RASSF8: variants seen among roughly 807,000 people sequenced by gnomAD.
RASSF8 encodes the protein Ras association domain family member 8, also known as ras association domain-containing protein 8.
RASSF8 carries 22 observed loss-of-function variants against 48.5 expected under a neutral mutation model. The observed-to-expected ratio is 0.45, with a 90% CI of 0.32 to 0.65. The LOEUF (loss-of-function observed/expected upper bound fraction) is 0.65, where lower values mean the gene tolerates loss of function less well. Among genes scored for constraint, RASSF8 ranks in the 30% least tolerant of loss-of-function variants. RASSF8 has a pLI of 0.03. For synonymous variants in RASSF8, 127 were observed against 171.5 expected (o/e 0.74, Z 2.03); for missense variants, 418 against 489.2 (o/e 0.85, Z 1.37).
chr12:26,068,864 A>G lies in RASSF8; in HGVS notation c.*46A>G. The G allele has an allele frequency of 6.5e-7, 1 of 1,527,788 alleles. No homozygotes were observed. Among genetic ancestry groups the G allele is most frequent in the South Asian group, 1.2e-5 (1 of 82,656 alleles). 94.6% of individuals were successfully genotyped at this position (1,527,788 alleles called of 1,614,324 possible). A position where few individuals can be genotyped will look rare whatever the true frequency, so the allele number is the denominator to read the frequency against. On this transcript the variant is annotated 3_prime_UTR_variant, in exon 6 of 6. Coordinates refer to ENST00000689635, the MANE Select transcript of RASSF8 (RefSeq NM_001394098.1). ...GAGACCCAACAGAGGTACCAAGGAC[A>G]GTAAACTTCCTTTTTGATTTGTGCC...
chr12:26,057,720 T>C (rs1943639247), intron 3 of RASSF8, among the ~76,000 whole-genome samples: 1 of 152,236 alleles, frequency 6.6e-6, no homozygotes, highest in Non-Finnish European at 1.5e-5. Context: ...TCCACAATGG[T>C]TGAACTAGTT....
chr12:26,012,223 C>T (rs1013751641), intron 2 of RASSF8, among the ~76,000 whole-genome samples: 2 of 152,122 alleles, frequency 1.3e-5, no homozygotes, highest in Non-Finnish European at 2.9e-5. Flanking sequence ...ACAATAATAC[C>T]TACCTTACAA....
intron 2 of RASSF8, among the ~76,000 whole-genome samples, chr12:26,017,720 G>A (rs1942684791): frequency 6.6e-6 from 1 of 152,258 alleles, no homozygotes; most frequent in South Asian, 2.1e-4. Flanking sequence ...TGCAGGACCT[G>A]CAGACTGGGG....
intron 2 of RASSF8, among the ~76,000 whole-genome samples, chr12:26,050,033 T>A (rs1943458561): frequency 6.6e-6 from 1 of 152,210 alleles, no homozygotes; most frequent in South Asian, 2.1e-4. Flanking sequence ...TCTGCCCGCC[T>A]CGGCCTCCCA....
chr12:25,991,391 C>G (rs1374559501), intron 1 of RASSF8, among the ~76,000 whole-genome samples: 2 of 151,996 alleles, frequency 1.3e-5, no homozygotes, highest in Non-Finnish European at 2.9e-5. Flanking sequence ...ACAAGTTGCC[C>G]CATGCCTACA....
At chr12:25,967,255 C>G (rs2136840686) in intron 1 of RASSF8, among the ~76,000 whole-genome samples, 1 of 152,248 alleles carries the variant, frequency 6.6e-6, no homozygotes, top group East Asian at 1.9e-4. Flanking sequence ...GAAGGCTTTC[C>G]TACTCAGACA....
intron 1 of RASSF8, among the ~76,000 whole-genome samples, chr12:25,974,714 T>G (rs1367478175): frequency 6.6e-6 from 1 of 152,184 alleles, no homozygotes; most frequent in Non-Finnish European, 1.5e-5. Context: ...TATGGTAGTA[T>G]TGTTTCTATG....
chr12:25,968,435 C>T (rs1427468550), intron 1 of RASSF8, among the ~76,000 whole-genome samples: 2 of 152,172 alleles, frequency 1.3e-5, no homozygotes, highest in Non-Finnish European at 2.9e-5. Flanking sequence ...CCCCGCCTCC[C>T]GGGCTCAACC....
intron 2 of RASSF8, among the ~76,000 whole-genome samples, chr12:26,014,710 G>A (rs542043238): frequency 1.3e-5 from 2 of 151,960 alleles, no homozygotes; most frequent in Non-Finnish European, 2.9e-5. Flanking sequence ...TATATAATTA[G>A]CAGAAACTTT....
chr12:26,062,715 A>G (rs1943771799), intron 3 of RASSF8, among the ~76,000 whole-genome samples: 1 of 151,890 alleles, frequency 6.6e-6, no homozygotes, highest in African/African-American at 2.4e-5. Flanking sequence ...AAATAAATAA[A>G]AGATCATTGT....
At chr12:25,966,611 G>C (rs904012926) in intron 1 of RASSF8, among the ~76,000 whole-genome samples, 3 of 152,128 alleles carry the variant, frequency 2.0e-5, no homozygotes, top group Non-Finnish European at 2.9e-5. Context: ...AAGTGTCCTA[G>C]TCTTTTGCTG....
rs1371832444 is a variant in RASSF8, at chr12:25,963,139, A to AAGACCT, written c.-203+3995_-203+4000dup. ...ATTGGGAAAACTTTAGTAGAAAAAC[A>AAGACCT]AGACCTAGAGTTCTAAGGATGCTCA... is the stretch of plus-strand genomic sequence containing the variant. On this transcript the variant is annotated intron_variant, in intron 1 of 5. Transcript: ENST00000689635. Among the ~76,000 whole-genome samples the AAGACCT allele has an allele frequency of 2.0e-5, 3 of 152,206 alleles. No individual in the cohort carries two copies. In the East Asian group the frequency reaches 5.8e-4, roughly 29 times the overall value.
intron 1 of RASSF8, among the ~76,000 whole-genome samples, chr12:25,984,560 C>T (rs1451708203): frequency 1.3e-5 from 2 of 152,168 alleles, no homozygotes; most frequent in Admixed American, 1.3e-4. Flanking sequence ...CCAGGATGGT[C>T]TCGACCTCTT....
rs1417213056 is a variant in RASSF8 at position 26,068,650 on chromosome 12, T to G, written c.1139-47T>G. 2.8e-6 allele frequency: 4 copies of G among 1,414,848 alleles called. No homozygotes were observed. In the Admixed American group the frequency reaches 7.9e-5, roughly 28 times the overall value. 87.6% of individuals were successfully genotyped at this position (1,414,848 alleles called of 1,614,324 possible). A position where few individuals can be genotyped will look rare whatever the true frequency, so the allele number is the denominator to read the frequency against. ...TCTGATTTTTTATATTGCTAAGTACTCCAAGTTGACGAGCTCATCAGGTGG... is the reference window on the plus strand; with the variant it reads ...TCTGATTTTTTATATTGCTAAGTACGCCAAGTTGACGAGCTCATCAGGTGG... On this transcript the variant is annotated intron_variant, in intron 5 of 5. Coordinates refer to ENST00000689635, the MANE Select transcript of RASSF8 (RefSeq NM_001394098.1).
intron 1 of RASSF8, among the ~76,000 whole-genome samples, chr12:25,972,518 T>G (rs903160992): frequency 6.6e-6 from 1 of 152,174 alleles, no homozygotes; most frequent in African/African-American, 2.4e-5. Context: ...AGTAAATTAT[T>G]GTATAGGCTC....
chr12:25,981,385 A>G (rs1941739947), intron 1 of RASSF8, among the ~76,000 whole-genome samples: 1 of 151,994 alleles, frequency 6.6e-6, no homozygotes, highest in African/African-American at 2.4e-5. Flanking sequence ...TCAACCCAAA[A>G]CTAAGGGCCA....
intron 1 of RASSF8, among the ~76,000 whole-genome samples, chr12:25,974,167 T>C (rs1941549737): frequency 6.6e-6 from 1 of 151,994 alleles, no homozygotes; most frequent in Non-Finnish European, 1.5e-5. Flanking sequence ...TGGAGTGTAA[T>C]TTTTTTCCCC....
At position 26,041,764 on chromosome 12, in the gene RASSF8, A is replaced by G. The variant is rs1220168951; in HGVS notation, c.-108-13472A>G. On this transcript the variant is annotated intron_variant, in intron 2 of 5. Coordinates refer to ENST00000689635, the MANE Select transcript of RASSF8 (RefSeq NM_001394098.1). The stretch of plus-strand genomic sequence containing the variant: ...ATAGGACAATATGACACGAATTTGT[A>G]TAATAATGCTAAGGAGATGCCATTT... Among the ~76,000 whole-genome samples, 3 of 152,206 alleles carry G rather than the reference A, an allele frequency of 2.0e-5. No homozygotes were observed. The East Asian group carries it at 5.8e-4, about 29-fold the overall frequency.
At chr12:25,986,926 T>TTTG (rs1555160452) in intron 1 of RASSF8, among the ~76,000 whole-genome samples, 11,905 of 146,628 alleles carry the variant, frequency 0.081, 642 homozygotes, top group African/African-American at 0.15. Context: ...CGTTTTTTTT[T>TTTG]TTTGTTTGTT....
Sources: allele counts gnomAD v4.1 joint callset (sites outside exome capture counted in the v4.1 genomes callset), GRCh38; gene constraint gnomAD v4.1.1; transcripts MANE v1.5; gene names NCBI Gene and HGNC (gene_info 2026-07-23, HGNC 2026-07-21).